DPH6: variants seen among roughly 807,000 people sequenced by gnomAD.
DPH6 encodes diphthamine biosynthesis 6.
DPH6 carries 33 observed loss-of-function variants against 38.2 expected under a neutral mutation model. The observed-to-expected ratio is 0.86, with a 90% CI of 0.65 to 1.15. The LOEUF (loss-of-function observed/expected upper bound fraction) is 1.15. Among genes scored for constraint, DPH6 ranks in the 50% most tolerant of loss-of-function variants. The pLI, the probability that DPH6 is intolerant of heterozygous loss-of-function variation, is 0.00. For synonymous variants in DPH6, 108 were observed against 103.0 expected, an observed-to-expected ratio of 1.05 and a Z score of -0.30; for missense variants, 325 against 320.0, an observed-to-expected ratio of 1.02 and a Z score of -0.12.
chr15:35,326,011 C>T (rs918894643), downstream of DPH6, among the ~76,000 whole-genome samples: 38 of 152,114 alleles, frequency 2.5e-4, no homozygotes, highest in African/African-American at 8.7e-4. Context: ...CACAATATAC[C>T]AATCAGAATA....
Position 35,371,976 on chromosome 15 carries a change from C to T in DPH6, c.*174G>A, listed in dbSNP as rs1595506446. The T allele has an allele frequency of 3.0e-6, 4 of 1,313,708 alleles. No homozygotes were observed. Among genetic ancestry groups the T allele is most frequent in the East Asian group, 3.2e-5 (1 of 31,224 alleles). 81.4% of individuals were successfully genotyped at this position (1,313,708 alleles called of 1,614,324 possible). A position where few individuals can be genotyped will look rare whatever the true frequency, so the allele number is the denominator to read the frequency against. ...TTGGCACTATTAATGAACATGCCGT[C>T]GACATTTTCCCAATTAATAAATGGT... On this transcript the variant is annotated 3_prime_UTR_variant, in exon 9 of 9. Coordinates refer to ENST00000256538, the MANE Select transcript of DPH6 (RefSeq NM_080650.4).
chr15:35,264,708 G>A (rs1468551761), intron 3 of DPH6, among the ~76,000 whole-genome samples: 1 of 152,190 alleles, frequency 6.6e-6, no homozygotes, highest in Non-Finnish European at 1.5e-5. Flanking sequence ...TACCACGCAT[G>A]TTCATTTGTA....
intron 3 of DPH6, among the ~76,000 whole-genome samples, chr15:35,488,226 C>T (rs2054430662): frequency 6.6e-6 from 1 of 152,168 alleles, no homozygotes; most frequent in African/African-American, 2.4e-5. Flanking sequence ...TTCTTCTGAG[C>T]TCTCCAAATT....
intron 3 of DPH6, among the ~76,000 whole-genome samples, chr15:35,455,540 A>C (rs2053985549): frequency 6.6e-6 from 1 of 152,194 alleles, no homozygotes; most frequent in Non-Finnish European, 1.5e-5. Context: ...ATTAAAAAGA[A>C]AACAAAACAA....
At chr15:35,402,748 G>A (rs1252443975) in intron 6 of DPH6, among the ~76,000 whole-genome samples, 2 of 151,894 alleles carry the variant, frequency 1.3e-5, no homozygotes, top group Admixed American at 1.3e-4. Flanking sequence ...TTAAAGTTTT[G>A]TATTCTTTAA....
chr15:35,203,162 C>A, the DPH6 span, among the ~76,000 whole-genome samples: 1 of 151,604 alleles, frequency 6.6e-6, no homozygotes, highest in Non-Finnish European at 1.5e-5. Flanking sequence ...ATATAAATAT[C>A]TTATTTTCTG....
intron 5 of DPH6, among the ~76,000 whole-genome samples, chr15:35,413,341 T>G (rs1258743679): frequency 1.3e-5 from 2 of 151,722 alleles, no homozygotes; most frequent in African/African-American, 4.8e-5. Context: ...TTAAAAATTT[T>G]TGATCTCCAT....
At chr15:35,246,350 T>C (rs2051637920) in intron 3 of DPH6, among the ~76,000 whole-genome samples, 1 of 152,242 alleles carries the variant, frequency 6.6e-6, no homozygotes, top group African/African-American at 2.4e-5. Flanking sequence ...TGTCAGACAC[T>C]GCTTCAAACA....
chr15:35,526,457 G>C (rs531229989), intron 3 of DPH6, among the ~76,000 whole-genome samples: 1 of 152,002 alleles, frequency 6.6e-6, no homozygotes, highest in Non-Finnish European at 1.5e-5. Flanking sequence ...ATTGCTCATC[G>C]AGCACCCACT....
At chr15:35,489,541 G>A (rs1415255409) in intron 3 of DPH6, 2 of 982,912 alleles carry the variant, frequency 2.0e-6, no homozygotes. Context: ...TTGCAGGGAT[G>A]AGTCTATATC....
At chr15:35,369,778 G>C (rs575507787), downstream of DPH6, among the ~76,000 whole-genome samples, 18 of 151,852 alleles carry the variant, frequency 1.2e-4, no homozygotes, top group African/African-American at 4.3e-4. Context: ...TGGATAAAAA[G>C]ACTCAATATC....
intron 3 of DPH6, among the ~76,000 whole-genome samples, chr15:35,283,221 CT>C (rs2051914249): frequency 1.4e-5 from 2 of 145,018 alleles, no homozygotes; most frequent in African/African-American, 5.1e-5. Flanking sequence ...TCTTCCTCTT[CT>C]TTCTTCTTTC....
intron 3 of DPH6, among the ~76,000 whole-genome samples, chr15:35,279,068 A>AAATATATATATATATAT (rs1555390826): frequency 1.9e-5 from 2 of 102,970 alleles, no homozygotes; most frequent in African/African-American, 9.7e-5. Context: ...AAAAAAAAAA[A>AAATATATATATATATAT]ATATATATAT....
intron 5 of DPH6, among the ~76,000 whole-genome samples, chr15:35,436,069 GC>G (rs1217020178): frequency 6.6e-6 from 1 of 151,918 alleles, no homozygotes; most frequent in African/African-American, 2.4e-5. Flanking sequence ...AGTCTCAGGG[GC>G]CAGAGGCCCT....
At chr15:35,192,655 C>T in the DPH6 span, among the ~76,000 whole-genome samples, 4 of 152,122 alleles carry the variant, frequency 2.6e-5, no homozygotes, top group East Asian at 3.9e-4. Flanking sequence ...TAAGCTTGAG[C>T]ACTGATCTTT....
At chr15:35,192,386 T>G in the DPH6 span, among the ~76,000 whole-genome samples, 1 of 152,206 alleles carries the variant, frequency 6.6e-6, no homozygotes, top group Admixed American at 6.5e-5. Flanking sequence ...TAGTTCTTCC[T>G]TTATTCTACC....
chr15:35,285,362 T>TG (rs1354060267), intron 3 of DPH6, among the ~76,000 whole-genome samples: 1 of 152,036 alleles, frequency 6.6e-6, no homozygotes, highest in Non-Finnish European at 1.5e-5. Flanking sequence ...AATTGAAACA[T>TG]GGGGGCGGGT....
intron 5 of DPH6, among the ~76,000 whole-genome samples, chr15:35,433,523 G>A (rs893022365): frequency 2.0e-5 from 3 of 152,100 alleles, no homozygotes; most frequent in South Asian, 2.1e-4. Flanking sequence ...TCCATAAAAG[G>A]TAAATATTTT....
Position 35,237,779 on chromosome 15 carries a change from G to A in DPH6, n.201-17197C>T, listed in dbSNP as rs192794494. On this transcript the variant is annotated intron_variant and non_coding_transcript_variant, in intron 3 of 3. Transcript: ENST00000560386. Reference sequence around the variant, plus strand: ...ATATCTTGACGGCTATGACCGGGACGACAAGGAGGCCCCTAACTTGGATGC... The same window carrying A: ...ATATCTTGACGGCTATGACCGGGACAACAAGGAGGCCCCTAACTTGGATGC... 1.4e-4 allele frequency: 227 copies of A among 1,606,890 alleles called. 3 individuals are homozygous for A. The East Asian group carries it at 4.7e-3, about 34-fold the overall frequency.
Sources: allele counts gnomAD v4.1 joint callset (sites outside exome capture counted in the v4.1 genomes callset), GRCh38; gene constraint gnomAD v4.1.1; transcripts MANE v1.5; gene names NCBI Gene and HGNC (gene_info 2026-07-23, HGNC 2026-07-21).